Variants in PKIB observed in about 807,000 individuals in gnomAD.
PKIB encodes PKI-beta.
PKIB carries 2 observed loss-of-function variants against 4.5 expected under a neutral mutation model. The observed-to-expected ratio is 0.44, with a 90% CI of 0.18 to 1.39. The LOEUF (loss-of-function observed/expected upper bound fraction) is 1.39, where lower values mean the gene tolerates loss of function less well. Ranked by LOEUF, PKIB falls within the 40% of genes most tolerant of loss-of-function variation. The probability of loss-of-function intolerance (pLI) is 0.27; values close to 1 mark genes in which losing one functional copy is unlikely to be tolerated. For synonymous variants in PKIB, 38 were observed against 36.0 expected, an observed-to-expected ratio of 1.06 and a Z score of -0.20; for missense variants, 94 against 92.6, an observed-to-expected ratio of 1.02 and a Z score of -0.06.
In PKIB at chr6:122,706,502, A is replaced by G. The variant is rs938623058; in HGVS notation, c.-8-11285A>G. On this transcript the variant is annotated intron_variant, in intron 3 of 4. Coordinates refer to ENST00000368452, the MANE Select transcript of PKIB (RefSeq NM_181795.3). ...ATGCTTAACAATAATTGATTGAATG[A>G]GGACTGAGTCTGTGCTCAATAAATG... 7.9e-5 allele frequency among the ~76,000 whole-genome samples: 12 copies of G among 152,330 alleles called. No individual in the cohort carries two copies. The South Asian group carries it at 1.0e-3, about 13-fold the overall frequency.
chr6:122,525,854 CTCTT>C (rs1479286493), intron 2 of PKIB, among the ~76,000 whole-genome samples: 3 of 152,132 alleles, frequency 2.0e-5, no homozygotes, highest in African/African-American at 4.8e-5. Flanking sequence ...TCTCAATTGA[CTCTT>C]TCTTTCATAA....
chr6:122,719,704 T>TC (rs1279878927), intron 4 of PKIB, among the ~76,000 whole-genome samples: 4 of 147,218 alleles, frequency 2.7e-5, no homozygotes, highest in African/African-American at 1.0e-4. Context: ...TTGTGAGTGT[T>TC]CCCACCACAC....
At chr6:122,602,790 C>CA (rs1030973013) in intron 3 of PKIB, among the ~76,000 whole-genome samples, 19 of 150,512 alleles carry the variant, frequency 1.3e-4, no homozygotes, top group African/African-American at 2.2e-4. Flanking sequence ...AATGAACAAA[C>CA]AAAAAAAACA....
chr6:122,480,035 A>G (rs1242010224), intron 2 of PKIB: 1 of 152,016 alleles, frequency 6.6e-6, no homozygotes, highest in Non-Finnish European at 1.5e-5. Context: ...AGTGGCAACC[A>G]TAGTCAATTT....
At chr6:122,543,122 T>C (rs1329123416) in intron 2 of PKIB, among the ~76,000 whole-genome samples, 1 of 151,772 alleles carries the variant, frequency 6.6e-6, no homozygotes, top group Non-Finnish European at 1.5e-5. Flanking sequence ...CTGTCACCCC[T>C]TTCTTTGACT....
chr6:122,553,481 C>CTTTTTTTTTTTTT (rs533553939), intron 2 of PKIB, among the ~76,000 whole-genome samples: 4,613 of 65,554 alleles, frequency 0.07, 1,160 homozygotes, highest in Non-Finnish European at 0.097. Flanking sequence ...CAAATATCTT[C>CTTTTTTTTTTTTT]TTTTTTTTTT....
chr6:122,549,425 T>C (rs549256490), intron 2 of PKIB, among the ~76,000 whole-genome samples: 1 of 152,304 alleles, frequency 6.6e-6, no homozygotes, highest in African/African-American at 2.4e-5. Flanking sequence ...ATTGGCAATG[T>C]CCTCTAATTA....
At chr6:122,682,572 A>G (rs1002517632) in intron 3 of PKIB, among the ~76,000 whole-genome samples, 2 of 152,158 alleles carry the variant, frequency 1.3e-5, no homozygotes, top group Non-Finnish European at 2.9e-5. Flanking sequence ...CTCAATAAAT[A>G]TAGTTGTAAC....
At chr6:122,526,075 C>G (rs915943562) in intron 2 of PKIB, among the ~76,000 whole-genome samples, 4 of 152,178 alleles carry the variant, frequency 2.6e-5, no homozygotes, top group Non-Finnish European at 5.9e-5. Flanking sequence ...ACTTTTTATG[C>G]TCATTCCTTA....
chr6:122,512,196 A>G (rs919228889), intron 2 of PKIB, among the ~76,000 whole-genome samples: 5 of 152,190 alleles, frequency 3.3e-5, no homozygotes, highest in Non-Finnish European at 5.9e-5. Context: ...TATTTTGCAC[A>G]TGTTTAAAAA....
intron 2 of PKIB, among the ~76,000 whole-genome samples, chr6:122,501,064 C>G (rs549121144): frequency 6.6e-6 from 1 of 152,130 alleles, no homozygotes; most frequent in East Asian, 1.9e-4. Context: ...GAGTGGGGAC[C>G]AAGAGTCAAA....
intron 3 of PKIB, among the ~76,000 whole-genome samples, chr6:122,681,346 A>G (rs1383499346): frequency 6.6e-6 from 1 of 152,230 alleles, no homozygotes; most frequent in East Asian, 1.9e-4. Context: ...AATAAAAATG[A>G]CTTTGGATTA....
At chr6:122,598,523 C>T (rs780125432) in intron 3 of PKIB, among the ~76,000 whole-genome samples, 1 of 152,162 alleles carries the variant, frequency 6.6e-6, no homozygotes, top group African/African-American at 2.4e-5. Flanking sequence ...TTAGATCTGA[C>T]ATACAGAGAA....
At chr6:122,616,382 C>T (rs530686933) in intron 1 of PKIB, among the ~76,000 whole-genome samples, 2 of 152,116 alleles carry the variant, frequency 1.3e-5, no homozygotes, top group South Asian at 4.2e-4. Context: ...GATTGTGCTG[C>T]GTGAGAAGGA....
intron 2 of PKIB, among the ~76,000 whole-genome samples, chr6:122,670,351 G>A (rs1325389875): frequency 2.6e-5 from 4 of 152,146 alleles, no homozygotes; most frequent in East Asian, 1.9e-4. Flanking sequence ...CCCTACACTC[G>A]TCTTCCTCCA....
At chr6:122,573,847 C>G (rs1773446146) in intron 2 of PKIB, among the ~76,000 whole-genome samples, 1 of 152,118 alleles carries the variant, frequency 6.6e-6, no homozygotes, top group African/African-American at 2.4e-5. Context: ...AAGGATTCCC[C>G]CTGAGAACTG....
At chr6:122,509,709 G>A (rs932842263) in intron 2 of PKIB, among the ~76,000 whole-genome samples, 1 of 151,986 alleles carries the variant, frequency 6.6e-6, no homozygotes, top group African/African-American at 2.4e-5. Flanking sequence ...GGGATTACAG[G>A]TGTGAGCCAC....
intron 1 of PKIB, among the ~76,000 whole-genome samples, chr6:122,624,323 A>C (rs986237745): frequency 1.6e-4 from 25 of 152,186 alleles, no homozygotes; most frequent in African/African-American, 6.0e-4. Flanking sequence ...CCATAGCAGG[A>C]AACCTTTTTG....
chr6:122,663,287 C>A (rs529248297), intron 2 of PKIB, among the ~76,000 whole-genome samples: 2 of 152,242 alleles, frequency 1.3e-5, no homozygotes, highest in South Asian at 4.1e-4. Context: ...TTTAGGGATG[C>A]TCTAATTTAA....
Sources: allele counts gnomAD v4.1 joint callset (sites outside exome capture counted in the v4.1 genomes callset), GRCh38; gene constraint gnomAD v4.1.1; transcripts MANE v1.5; gene names NCBI Gene and HGNC (gene_info 2026-07-23, HGNC 2026-07-21).